The following CUBN variants were observed in gnomAD, a reference collection of about 807,000 sequenced individuals.
The protein encoded by CUBN is 460 kDa receptor.
Under a neutral mutation model 405.3 loss-of-function variants are expected in CUBN, and 282 were observed. The ratio of observed to expected loss-of-function variants is 0.70; its 90% CI spans 0.63 to 0.77. The LOEUF is 0.77. Ranked by LOEUF, CUBN falls within the 30% of genes least tolerant of loss-of-function variation. The pLI, the probability that CUBN is intolerant of heterozygous loss-of-function variation, is 0.00. For synonymous variants in CUBN, 1,684 were observed against 1,617.0 expected, an observed-to-expected ratio of 1.04 and a Z score of -0.99; for missense variants, 4,514 against 4,475.2, an observed-to-expected ratio of 1.01 and a Z score of -0.25.
intron 50 of CUBN, among the ~76,000 whole-genome samples, chr10:16,905,845 G>A (rs370455113): frequency 2.6e-5 from 4 of 152,288 alleles, no homozygotes; most frequent in South Asian, 4.1e-4. Flanking sequence ...AGCCGTGGTG[G>A]CTCATGCCTG....
At chr10:17,002,137 G>T (rs1833907738) in intron 28 of CUBN, among the ~76,000 whole-genome samples, 1 of 152,146 alleles carries the variant, frequency 6.6e-6, no homozygotes, top group Non-Finnish European at 1.5e-5. Flanking sequence ...GAAACCTCTG[G>T]GGACAAAAAT....
chr10:16,840,583 C>T (rs181084844), intron 61 of CUBN, 48 bp from the exon 62 acceptor site: 47 of 1,434,784 alleles, frequency 3.3e-5, no homozygotes, highest in Non-Finnish European at 4.4e-5. Context: ...ATTCATGTCT[C>T]ATCTCAGGCA....
At position 16,829,250 on chromosome 10, in the gene CUBN, C is replaced by A. The variant is rs536239874; in HGVS notation, c.10529-210G>T. On this transcript the variant is annotated intron_variant, in intron 65 of 66. Transcript: ENST00000377833. ...CCACTGCCACCTCCACCTCTTCCAT[C>A]CTCCACACACGTGCCTTTGCCTGCA... 5.3e-5 allele frequency among the ~76,000 whole-genome samples: 8 copies of A among 152,084 alleles called. No homozygotes were observed. The East Asian group carries it at 1.5e-3, about 29-fold the overall frequency.
chr10:16,869,164 ATT>A (rs72310717), intron 59 of CUBN, among the ~76,000 whole-genome samples: 4,245 of 121,024 alleles, frequency 0.035, 165 homozygotes, highest in African/African-American at 0.13. Flanking sequence ...TACCAAAGTG[ATT>A]TTTTTTTTTT....
In CUBN at chr10:17,068,652, G is replaced by A. The variant is rs1277790672; in HGVS notation, c.2744C>T (p.Ser915Phe). ...AGCCATGAAACCATGGTTTTCAGTA[G>A]AAGAACTTTTCACGAATGTGACATA... The part of the protein sequence containing the change: ...FLYVTFVKSS[S>F]TENHGFMAKF... Residue 915 changes from serine (S) to phenylalanine (F), a missense_variant, in exon 20 of 67, where the codon TCT (serine) becomes TTT (phenylalanine). This residue lies in a region of CUBN where 1,448 missense variants were observed against 1,388.0 expected (regional missense o/e 1.04). Coordinates refer to ENST00000377833, the MANE Select transcript of CUBN (RefSeq NM_001081.4). 3 of 1,613,174 alleles carry A rather than the reference G, an allele frequency of 1.9e-6. No individual in the cohort carries two copies. In the South Asian group the frequency reaches 3.3e-5, roughly 18 times the overall value.
At chr10:17,061,700 G>GTGT (rs761532613) in intron 22 of CUBN, among the ~76,000 whole-genome samples, 4 of 152,162 alleles carry the variant, frequency 2.6e-5, no homozygotes, top group South Asian at 2.1e-4. Flanking sequence ...CTCTAATCCT[G>GTGT]TGTTGTTGTT....
intron 20 of CUBN, 40 bp from the exon 21 acceptor site, chr10:17,068,320 A>C: frequency 6.3e-7 from 1 of 1,582,870 alleles, no homozygotes; most frequent in Non-Finnish European, 8.7e-7. Context: ...GCAAGTAACC[A>C]AGCTACCTGG....
At chr10:16,939,671 G>A (rs573019719) in intron 37 of CUBN, among the ~76,000 whole-genome samples, 21 of 152,270 alleles carry the variant, frequency 1.4e-4, no homozygotes, top group Non-Finnish European at 2.8e-4. Flanking sequence ...TGTCTTAAAT[G>A]TGAAGAACGT....
chr10:16,862,973 C>A (rs1189478772), intron 59 of CUBN, among the ~76,000 whole-genome samples: 1 of 152,224 alleles, frequency 6.6e-6, no homozygotes, highest in Non-Finnish European at 1.5e-5. Flanking sequence ...CCCCATCCTT[C>A]AAGACCAGGA....
intron 9 of CUBN, among the ~76,000 whole-genome samples, chr10:17,110,614 G>A (rs560617501): frequency 1.4e-4 from 22 of 152,138 alleles, no homozygotes; most frequent in African/African-American, 3.9e-4. Flanking sequence ...TGCAATCTCC[G>A]CTTCCCAGGT....
intron 28 of CUBN, among the ~76,000 whole-genome samples, chr10:16,999,139 T>C (rs950830417): frequency 6.6e-6 from 1 of 152,208 alleles, no homozygotes; most frequent in Non-Finnish European, 1.5e-5. Context: ...GACCGCTATA[T>C]AATGACCTTT....
At chr10:16,982,711 C>G (rs570122280) in intron 30 of CUBN, 58 bp from the exon 31 acceptor site, 15 of 1,451,230 alleles carry the variant, frequency 1.0e-5, no homozygotes, top group Non-Finnish European at 1.4e-5. Context: ...CGAAAATAAT[C>G]CATTACCTGG....
rs754502777 is a variant in CUBN at position 17,129,114 on chromosome 10, G to A, written c.252+7C>T. The A allele has an allele frequency of 1.2e-6, 2 of 1,608,920 alleles. No individual in the cohort carries two copies. Among genetic ancestry groups the A allele is most frequent in the South Asian group, 2.2e-5 (2 of 90,992 alleles). On this transcript the variant is annotated splice_region_variant and intron_variant, in intron 2 of 66. Coordinates refer to ENST00000377833, the MANE Select transcript of CUBN (RefSeq NM_001081.4). ...AAAATGACTTCAATATATTTCCAGT[G>A]TATTACCTGATGTAAACACTCACTG...
At chr10:16,881,307 A>G (rs925196057) in intron 56 of CUBN, among the ~76,000 whole-genome samples, 6 of 152,216 alleles carry the variant, frequency 3.9e-5, no homozygotes, top group Admixed American at 2.0e-4. Flanking sequence ...GTTGTCTTAG[A>G]AAACAGTGAA....
At chr10:16,965,913 G>A (rs1588528900) in intron 31 of CUBN, 1 of 467,270 alleles carries the variant, frequency 2.1e-6, no homozygotes, top group South Asian at 1.6e-5. Context: ...CCAATCACAC[G>A]CTTAGCAGTG....
At chr10:16,841,603 G>A (rs1215466885) in intron 60 of CUBN, among the ~76,000 whole-genome samples, 3 of 152,034 alleles carry the variant, frequency 2.0e-5, no homozygotes, top group African/African-American at 7.2e-5. Context: ...ATTTCTTATT[G>A]TCTTCACTTT....
chr10:17,129,395 C>A, intron 1 of CUBN, 145 bp from the exon 2 acceptor site: 1 of 1,028,650 alleles, frequency 9.7e-7, no homozygotes, highest in Non-Finnish European at 1.5e-6. Flanking sequence ...TGCTCATCTG[C>A]CACTTTTTTC....
At chr10:16,961,203 C>T (rs890127480) in intron 31 of CUBN, among the ~76,000 whole-genome samples, 6 of 152,128 alleles carry the variant, frequency 3.9e-5, no homozygotes, top group African/African-American at 1.4e-4. Context: ...TCCCAAATAG[C>T]TGGGACTACA....
intron 54 of CUBN, among the ~76,000 whole-genome samples, chr10:16,893,395 CGT>C (rs34859798): frequency 0.28 from 41,346 of 150,292 alleles, 6,555 homozygotes; most frequent in African/African-American, 0.46. Flanking sequence ...TACTTGAACT[CGT>C]GTGTGTGTGT....
Sources: gnomAD v4.1 joint callset for allele counts (sites outside exome capture counted in the v4.1 genomes callset) on GRCh38, gnomAD v4.1.1 for gene constraint, gnomAD v4.1.1 regional missense constraint, MANE v1.5 for transcripts, NCBI Gene and HGNC (gene_info 2026-07-23, HGNC 2026-07-21) for gene names.